NPC2: variants seen among roughly 807,000 people sequenced by gnomAD.
NPC2 encodes the protein Niemann-Pick disease type C2 protein.
In NPC2, 14 loss-of-function variants were observed where a neutral mutation model predicts 17.0. The ratio of observed to expected loss-of-function variants is 0.82; its 90% CI spans 0.54 to 1.29. The LOEUF is 1.29. Ranked by LOEUF, NPC2 falls within the 50% of genes most tolerant of loss-of-function variation. The probability of loss-of-function intolerance (pLI) is 0.00; values close to 1 mark genes in which losing one functional copy is unlikely to be tolerated. For missense variants in NPC2, 167 were observed against 183.4 expected (o/e 0.91, Z 0.52); for synonymous variants, 75 against 69.3 (o/e 1.08, Z -0.41).
At chr14:74,487,254 T>C (rs1298659045) in intron 1 of NPC2, among the ~76,000 whole-genome samples, 2 of 146,558 alleles carry the variant, frequency 1.4e-5, no homozygotes, top group East Asian at 3.9e-4. Context: ...CTCCCTGTTT[T>C]GTTTTTGTGG....
rs186633656 is a variant in NPC2 at position 74,488,652 on chromosome 14, T to C, written c.83-2216A>G. ...TCGCTTGAACTGGGGAGGCAGAGGTTGCAGTGAGCCGAGATTGCGCCACTG... is the reference window on the plus strand; with the variant it reads ...TCGCTTGAACTGGGGAGGCAGAGGTCGCAGTGAGCCGAGATTGCGCCACTG... On this transcript the variant is annotated intron_variant, in intron 1 of 4. Coordinates refer to ENST00000555619, the MANE Select transcript of NPC2 (RefSeq NM_006432.5). 3.6e-3 allele frequency among the ~76,000 whole-genome samples: 554 copies of C among 152,256 alleles called. 10 individuals carry two copies. The highest frequency in any genetic ancestry group is 0.031 in the Admixed American group (474 of 15,296).
intron 3 of NPC2, chr14:74,482,975 C>T (rs919588453): frequency 2.6e-5 from 18 of 698,488 alleles, no homozygotes; most frequent in Admixed American, 2.5e-4. Context: ...GACCACATCA[C>T]GGGTGAGCTA....
chr14:74,487,263 G>GTTT (rs1208707592), intron 1 of NPC2, among the ~76,000 whole-genome samples: 2,124 of 134,616 alleles, frequency 0.016, 119 homozygotes, highest in African/African-American at 0.029. Context: ...TTGTTTTTGT[G>GTTT]GTTTTTTTTT....
At position 74,486,345 on chromosome 14, in the gene NPC2, A is replaced by G; in HGVS notation, c.174T>C (p.Asn58=). The change falls in exon 2 of 5, where the codon AAT becomes AAC. Residue 58 remains asparagine (N), a synonymous_variant. Transcript: ENST00000555619. ...QLSKGQSYSV[N]VTFTSNIQSK... ...TTTACGCACTGCTGGTGAAGGTGAC[A>G]TTGACGCTGTAAGACTGTCCTTTGC... is the stretch of plus-strand genomic sequence containing the variant. 1 of 1,599,852 alleles carries G rather than the reference A, an allele frequency of 6.3e-7. No individual in the cohort carries two copies. Among genetic ancestry groups the G allele is most frequent in the Non-Finnish European group, 8.5e-7 (1 of 1,172,750 alleles).
At chr14:74,482,876 C>T (rs1031840760) in intron 3 of NPC2, 3 of 425,520 alleles carry the variant, frequency 7.1e-6, no homozygotes, top group East Asian at 5.1e-5. Context: ...AAGCAGGAGC[C>T]GCAGCTGGGA....
At chr14:74,483,041 A>C in intron 3 of NPC2, 1 of 1,282,422 alleles carries the variant, frequency 7.8e-7, no homozygotes, top group Non-Finnish European at 1.1e-6. Flanking sequence ...CAGTTTGTTC[A>C]GGGAATTTTT....
chr14:74,489,211 C>T (rs1330066651), intron 1 of NPC2, among the ~76,000 whole-genome samples: 1 of 152,212 alleles, frequency 6.6e-6, no homozygotes, highest in Non-Finnish European at 1.5e-5. Context: ...AATACTGCTA[C>T]CTGAGTCTGG....
intron 4 of NPC2, chr14:74,480,498 T>C (rs2086644574): frequency 1.2e-5 from 2 of 173,688 alleles, no homozygotes. Flanking sequence ...TCCTTCAACC[T>C]TTTTTTTTTT....
chr14:74,484,572 C>T lies in NPC2; in HGVS notation c.206G>A (p.Ser69Asn), dbSNP rs2086689639. 6.2e-7 allele frequency: 1 copy of T among 1,613,982 alleles called. No homozygotes were observed. Among genetic ancestry groups the T allele is most frequent in the East Asian group, 2.2e-5 (1 of 44,878 alleles). The change falls in exon 3 of 5, where the codon AGC becomes AAC. Residue 69 changes from serine to asparagine, a missense_variant. Coordinates refer to ENST00000555619, the MANE Select transcript of NPC2 (RefSeq NM_006432.5). ...VTFTSNIQSK[S>N]SKAVVHGILM... Reference sequence around the variant, plus strand: ...GATGCCATGCACCACGGCCTTGCTGCTTTTAGACTGAATATCTAAGAGAAA... The same window carrying T: ...GATGCCATGCACCACGGCCTTGCTGTTTTTAGACTGAATATCTAAGAGAAA...
At chr14:74,491,325 C>G (rs940892586) in intron 1 of NPC2, among the ~76,000 whole-genome samples, 1 of 152,108 alleles carries the variant, frequency 6.6e-6, no homozygotes, top group Non-Finnish European at 1.5e-5. Context: ...CCCGTCTTGG[C>G]CTCCCAAAGT....
At chr14:74,489,018 C>T (rs1264796568) in intron 1 of NPC2, among the ~76,000 whole-genome samples, 1 of 152,194 alleles carries the variant, frequency 6.6e-6, no homozygotes, top group African/African-American at 2.4e-5. Context: ...CAGGAAGTAC[C>T]TTAAATCTTG....
upstream of NPC2, chr14:74,493,474 GC>G: frequency 7.9e-7 from 1 of 1,257,976 alleles, no homozygotes; most frequent in Non-Finnish European, 1.1e-6. The surrounding 1 kb of genome is among the most constrained non-coding windows in gnomAD (Gnocchi z 4.1). Context: ...TGCAGTCTCC[GC>G]CCATGCCATC....
intron 1 of NPC2, among the ~76,000 whole-genome samples, chr14:74,491,146 C>T (rs1171376012): frequency 6.6e-6 from 1 of 152,112 alleles, no homozygotes; most frequent in Non-Finnish European, 1.5e-5. Flanking sequence ...GATCTTGGCT[C>T]ACTGTAACCT....
intron 1 of NPC2, among the ~76,000 whole-genome samples, chr14:74,487,801 C>T (rs917161804): frequency 7.9e-5 from 12 of 152,246 alleles, no homozygotes; most frequent in African/African-American, 2.6e-4. Flanking sequence ...CATTTTTAGA[C>T]TCTATGGAAA....
At position 74,493,275 on chromosome 14, in the gene NPC2, C is replaced by G. The variant is rs756433737; in HGVS notation, c.-1G>C. The G allele has an allele frequency of 1.6e-4, 262 of 1,612,800 alleles. No individual in the cohort carries two copies. Among genetic ancestry groups the G allele is most frequent in the Non-Finnish European group, 2.1e-4 (243 of 1,179,616 alleles). On this transcript the variant is annotated 5_prime_UTR_variant, in exon 1 of 5. Coordinates refer to ENST00000555619, the MANE Select transcript of NPC2 (RefSeq NM_006432.5). The surrounding 1 kb of genome is among the most constrained non-coding windows in gnomAD (Gnocchi z 4.1). ...GGAATGTAGCTGCCAGGAAACGCAT[C>G]GCGGATAACGAAGTTCCAAGCTCGG...
At chr14:74,491,905 C>G (rs1413069518) in intron 1 of NPC2, among the ~76,000 whole-genome samples, 1 of 152,164 alleles carries the variant, frequency 6.6e-6, no homozygotes, top group Non-Finnish European at 1.5e-5. Flanking sequence ...CTTTGTAGGA[C>G]TAACAAATTA....
chr14:74,493,181 C>T lies in NPC2; in HGVS notation c.82+12G>A. On this transcript the variant is annotated intron_variant, in intron 1 of 4. Transcript: ENST00000555619. This position sits in a 1 kb window ranked among gnomAD's most constrained non-coding sequence, Gnocchi z 4.1. The stretch of plus-strand genomic sequence containing the variant: ...AGAGGGCGCGGGAACCTTGGGCGGG[C>T]CTGGGGCTCACCGCAGTCCTTGAAC... The T allele has an allele frequency of 6.2e-7, 1 of 1,603,486 alleles. No individual in the cohort carries two copies.
At position 74,493,238 on chromosome 14, in the gene NPC2, G is replaced by A; in HGVS notation, c.37C>T (p.Leu13Phe). The A allele has an allele frequency of 1.2e-6, 2 of 1,613,244 alleles. No individual in the cohort carries two copies. Among genetic ancestry groups the A allele is most frequent in the Non-Finnish European group, 1.7e-6 (2 of 1,179,730 alleles). Residue 13 changes from leucine (L) to phenylalanine (F), a missense_variant, in exon 1 of 5, where the codon CTC becomes TTC. Leu to Phe is a conservative substitution (Grantham distance 22). Transcript: ENST00000555619. This position sits in a 1 kb window ranked among gnomAD's most constrained non-coding sequence, Gnocchi z 4.1. ...GGTTCGGCCTGGGCAGCGGTGCTGA[G>A]CGCCAGGAGCAGGAATGTAGCTGCC... ...FLAATFLLLA[L>F]STAAQAEPVQ...
At position 74,486,370 on chromosome 14, in the gene NPC2, C is replaced by T. The variant is rs993005043; in HGVS notation, c.149G>A (p.Ser50Asn). ...ATTGACGCTGTAAGACTGTCCTTTG[C>T]TCAGCTGGCAGGGTTGGGTGGGGCA... ...SPCPTQPCQL[S>N]KGQSYSVNVT... The change falls in exon 2 of 5, where the codon AGC becomes AAC. Residue 50 changes from serine (S) to asparagine (N), a missense_variant. Physicochemically the swap from Ser to Asn is conservative, Grantham distance 46 (BLOSUM62 1). Coordinates refer to ENST00000555619, the MANE Select transcript of NPC2 (RefSeq NM_006432.5). 2.5e-6 allele frequency: 4 copies of T among 1,605,652 alleles called. No individual in the cohort carries two copies. In the African/African-American group the frequency reaches 5.3e-5, roughly 21 times the overall value.
Sources: allele counts gnomAD v4.1 joint callset (sites outside exome capture counted in the v4.1 genomes callset), GRCh38; gene constraint gnomAD v4.1.1; non-coding constraint Gnocchi (gnomAD v3.1); transcripts MANE v1.5; gene names NCBI Gene and HGNC (gene_info 2026-07-23, HGNC 2026-07-21).